The following SPINK5 variants were observed in gnomAD, a reference collection of about 807,000 sequenced individuals.
SPINK5 encodes the protein serine peptidase inhibitor Kazal type 5.
SPINK5 carries 125 observed loss-of-function variants against 151.8 expected under a neutral mutation model. The observed-to-expected ratio is 0.82, with a 90% CI of 0.71 to 0.96. The LOEUF (loss-of-function observed/expected upper bound fraction) is 0.96. Ranked by LOEUF, SPINK5 falls within the 40% of genes least tolerant of loss-of-function variation. SPINK5 has a pLI of 0.00. For missense variants in SPINK5, 1,194 were observed against 1,291.9 expected, an observed-to-expected ratio of 0.92 and a Z score of 1.16; for synonymous variants, 374 against 395.3, an observed-to-expected ratio of 0.95 and a Z score of 0.64.
Position 148,098,666 on chromosome 5 carries a change from G to GT in SPINK5, c.1011-558dup, listed in dbSNP as rs955335520. Among the ~76,000 whole-genome samples the GT allele has an allele frequency of 1.2e-3, 134 of 116,210 alleles. 1 individual carries two copies. The highest frequency in any genetic ancestry group is 2.7e-3 in the African/African-American group (99 of 36,526). The allele number at this position is 116,210 out of a possible 152,430, so 76.2% of individuals were successfully genotyped here. On this transcript the variant is annotated intron_variant, in intron 11 of 32. Coordinates refer to ENST00000256084, the MANE Select transcript of SPINK5 (RefSeq NM_006846.4). ...TTATCAGTATATGGAAATTATTGTG[G>GT]TTTTTTTTTTCACATCTTGTCCTTT... is the stretch of plus-strand genomic sequence containing the variant.
At chr5:148,116,680 G>T (rs1050845238) in intron 22 of SPINK5, among the ~76,000 whole-genome samples, 2 of 152,172 alleles carry the variant, frequency 1.3e-5, no homozygotes, top group African/African-American at 4.8e-5. Flanking sequence ...TTAACAATAT[G>T]TAATGACCTT....
rs759508318 is a variant in SPINK5, at chr5:148,116,448, T to C, written c.2094T>C (p.Gly698=). 1.9e-6 allele frequency: 3 copies of C among 1,613,668 alleles called. No individual in the cohort carries two copies. Among genetic ancestry groups the C allele is most frequent in the Non-Finnish European group, 2.5e-6 (3 of 1,179,964 alleles). Residue 698 remains glycine, a synonymous_variant, in exon 22 of 33, where the codon GGT becomes GGC. Coordinates refer to ENST00000256084, the MANE Select transcript of SPINK5 (RefSeq NM_006846.4). The part of the protein sequence containing the change: ...RNAAGHGSSG[G]GGGNTQDECA... ...CTGCAGGACATGGTTCCAGTGGTGG[T>C]GGAGGAGGAAACACTCAGGTGAGAG...
At chr5:148,136,338 G>C (rs942127504) in intron 32 of SPINK5, among the ~76,000 whole-genome samples, 6 of 152,080 alleles carry the variant, frequency 3.9e-5, no homozygotes, top group Admixed American at 3.9e-4. Context: ...TCAAACCAAA[G>C]AAAACCTCCT....
intron 3 of SPINK5, among the ~76,000 whole-genome samples, chr5:148,071,777 G>T (rs1455894977): frequency 6.6e-6 from 1 of 151,902 alleles, no homozygotes; most frequent in Non-Finnish European, 1.5e-5. Context: ...TTGCTCTGTG[G>T]GTCCCTAGAT....
chr5:148,125,257 A>G (rs1463077372), intron 28 of SPINK5, among the ~76,000 whole-genome samples: 1 of 152,194 alleles, frequency 6.6e-6, no homozygotes, highest in Non-Finnish European at 1.5e-5. Context: ...TTCTGTTTTC[A>G]CCAGATGATT....
intron 6 of SPINK5, chr5:148,089,128 C>T (rs1223816313): frequency 8.6e-6 from 4 of 465,276 alleles, no homozygotes; most frequent in Admixed American, 7.0e-5. Flanking sequence ...GGTCTGATGC[C>T]CTTTTTATAA....
At chr5:148,110,172 T>G (rs776498030) in intron 18 of SPINK5, among the ~76,000 whole-genome samples, 2 of 152,226 alleles carry the variant, frequency 1.3e-5, no homozygotes, top group African/African-American at 2.4e-5. Flanking sequence ...TTACGTATAT[T>G]ATTTTTATGA....
chr5:148,076,342 A>C (rs754874291), intron 4 of SPINK5, among the ~76,000 whole-genome samples: 1 of 151,738 alleles, frequency 6.6e-6, no homozygotes, highest in Non-Finnish European at 1.5e-5. Context: ...CAGCAGCTGC[A>C]ATTATGAGAG....
At chr5:148,091,635 AGAGT>A (rs1400370785) in intron 8 of SPINK5, among the ~76,000 whole-genome samples, 15 of 151,774 alleles carry the variant, frequency 9.9e-5, no homozygotes, top group African/African-American at 3.6e-4. Flanking sequence ...TAAAATAGTG[AGAGT>A]GTTTTAAACA....
At position 148,065,369 on chromosome 5, in the gene SPINK5, T is replaced by A. The variant is rs1478894570; in HGVS notation, c.78T>A (p.Asp26Glu). ...LIQDAASKNE[D>E]QEMCHEFQAF... ...CAGATGCTGCCAGTAAGAATGAAGA[T>A]CAGGTTAGTCCTGCTTTTTCTGTTC... The change falls in exon 2 of 33, where the codon GAT (aspartate) becomes GAA (glutamate). Residue 26 changes from aspartate to glutamate, a missense_variant. Coordinates refer to ENST00000256084, the MANE Select transcript of SPINK5 (RefSeq NM_006846.4). 2 of 1,613,462 alleles carry A rather than the reference T, an allele frequency of 1.2e-6. No homozygotes were observed. The highest frequency in any genetic ancestry group is 1.3e-5 in the African/African-American group (1 of 74,908).
In SPINK5 at chr5:148,090,749, C is replaced by T. The variant is rs550574466; in HGVS notation, c.603-416C>T. On this transcript the variant is annotated intron_variant, in intron 7 of 32. Transcript: ENST00000256084. ...TGTGGATGGCAATGTCTCAAATGCT[C>T]AGTTTGGTTTCACCCTTGTCACAGC... 10 of 183,840 alleles carry T rather than the reference C, an allele frequency of 5.4e-5. 1 individual carries two copies. In the South Asian group the frequency reaches 1.1e-3, roughly 20 times the overall value. The allele number at this position is 183,840 out of a possible 1,614,324, so 11.4% of individuals were successfully genotyped here.
At position 148,091,102 on chromosome 5, in the gene SPINK5, G is replaced by C. The variant is rs1753296123; in HGVS notation, c.603-63G>C. The C allele has an allele frequency of 2.2e-6, 3 of 1,372,684 alleles. No individual in the cohort carries two copies. The South Asian group carries it at 3.6e-5, about 16-fold the overall frequency. 85.0% of individuals were successfully genotyped at this position (1,372,684 alleles called of 1,614,324 possible). ...GAGGATATGAAAGTGTTTAGCACAG[G>C]ACTGAGGATACTGAAAATATGATTG... is the stretch of plus-strand genomic sequence containing the variant. On this transcript the variant is annotated intron_variant, in intron 7 of 32. Coordinates refer to ENST00000256084, the MANE Select transcript of SPINK5 (RefSeq NM_006846.4).
intron 15 of SPINK5, 122 bp downstream of exon 15, chr5:148,102,030 C>T: frequency 7.0e-7 from 1 of 1,423,000 alleles, no homozygotes. Context: ...TCTTGGGTGT[C>T]ATATTTAAAT....
rs576367809 is a variant in SPINK5, at chr5:148,111,850, A to G, written c.1775A>G (p.Asp592Gly). ...TRENDPIEGL[D>G]GKIHGNTCSM... ...GAGAATGATCCTATTGAGGGTCTAGATGGGAAAATCCACGGCAACACCTGC... is the reference window on the plus strand; with the variant it reads ...GAGAATGATCCTATTGAGGGTCTAGGTGGGAAAATCCACGGCAACACCTGC... The change falls in exon 19 of 33, where the codon GAT becomes GGT. Residue 592 changes from aspartate to glycine, a missense_variant. Asp to Gly is a moderately conservative substitution (Grantham distance 94). Coordinates refer to ENST00000256084, the MANE Select transcript of SPINK5 (RefSeq NM_006846.4). 2 of 1,614,006 alleles carry G rather than the reference A, an allele frequency of 1.2e-6. No homozygotes were observed. The highest frequency in any genetic ancestry group is 2.7e-5 in the African/African-American group (2 of 75,040).
chr5:148,092,180 C>T (rs1426242746), intron 8 of SPINK5, among the ~76,000 whole-genome samples: 1 of 151,844 alleles, frequency 6.6e-6, no homozygotes, highest in Admixed American at 6.6e-5. Context: ...TTTTGCAGAT[C>T]GTAGGGCTTA....
At position 148,136,958 on chromosome 5, in the gene SPINK5, C is replaced by G. The variant is rs199517644; in HGVS notation, c.3187-25C>G. ...CTGCAATATCTCTGGGTTCTAGCAT[C>G]TAACCTACCCATCTTCTCTTCTAGG... On this transcript the variant is annotated intron_variant, in intron 32 of 32. Coordinates refer to ENST00000256084, the MANE Select transcript of SPINK5 (RefSeq NM_006846.4). The G allele has an allele frequency of 1.4e-3, 2,258 of 1,613,646 alleles. 3 individuals are homozygous for G. The highest frequency in any genetic ancestry group is 2.5e-3 in the Middle Eastern group (15 of 6,058).
chr5:148,126,174 T>C (rs1754425746), intron 29 of SPINK5, among the ~76,000 whole-genome samples: 1 of 152,186 alleles, frequency 6.6e-6, no homozygotes, highest in African/African-American at 2.4e-5. Context: ...GAGATGCCTT[T>C]AAAAATAAAT....
intron 18 of SPINK5, among the ~76,000 whole-genome samples, chr5:148,111,155 A>G (rs1170702255): frequency 4.6e-5 from 7 of 151,540 alleles, no homozygotes; most frequent in Non-Finnish European, 1.0e-4. Flanking sequence ...CCAAATCTAG[A>G]GGCCGTCCAT....
At chr5:148,110,243 T>A (rs1360135002) in intron 18 of SPINK5, among the ~76,000 whole-genome samples, 1 of 152,224 alleles carries the variant, frequency 6.6e-6, no homozygotes, top group Non-Finnish European at 1.5e-5. Flanking sequence ...AAGTAGTCAC[T>A]CTTTAATATT....
Sources: allele counts gnomAD v4.1 joint callset (sites outside exome capture counted in the v4.1 genomes callset), GRCh38; gene constraint gnomAD v4.1.1; transcripts MANE v1.5; gene names NCBI Gene and HGNC (gene_info 2026-07-23, HGNC 2026-07-21).